The following DCC variants were observed in gnomAD, a reference collection of about 807,000 sequenced individuals.
DCC encodes DCC netrin 1 receptor, also known as netrin receptor DCC.
In DCC, 58 loss-of-function variants were observed where a neutral mutation model predicts 172.5. That is an observed-to-expected ratio of 0.34 (90% CI 0.27 to 0.42). The LOEUF (loss-of-function observed/expected upper bound fraction) is 0.42, where lower values mean the gene tolerates loss of function less well. DCC is among the 10% of genes least tolerant of loss of function. The probability of loss-of-function intolerance (pLI) is 1.00; values close to 1 mark genes in which losing one functional copy is unlikely to be tolerated. For synonymous variants in DCC, 709 were observed against 644.5 expected (o/e 1.10, Z -1.52); for missense variants, 1,740 against 1,791.0 (o/e 0.97, Z 0.51).
At chr18:53,013,230 A>G (rs758374682) in intron 5 of DCC, among the ~76,000 whole-genome samples, 118 of 152,070 alleles carry the variant, frequency 7.8e-4, no homozygotes, top group Non-Finnish European at 1.3e-3. Flanking sequence ...TTATAAATCT[A>G]TAAAGACACA....
chr18:52,961,595 C>T (rs1250177030), intron 5 of DCC, among the ~76,000 whole-genome samples: 1 of 152,164 alleles, frequency 6.6e-6, no homozygotes, highest in Non-Finnish European at 1.5e-5. Flanking sequence ...CCAAACACCA[C>T]AAAGTTGGCT....
chr18:53,408,390 ATTG>A (rs1440870754), intron 19 of DCC, among the ~76,000 whole-genome samples: 1 of 152,158 alleles, frequency 6.6e-6, no homozygotes, highest in Non-Finnish European at 1.5e-5. Context: ...AGCTTATGTA[ATTG>A]TTGTCATGGC....
chr18:53,339,329 T>C (rs528082541), intron 14 of DCC, among the ~76,000 whole-genome samples: 8 of 152,322 alleles, frequency 5.3e-5, no homozygotes, highest in Admixed American at 1.3e-4. Flanking sequence ...TAAATAATTA[T>C]TGGATAAGAC....
intron 7 of DCC, among the ~76,000 whole-genome samples, chr18:53,089,486 C>T (rs566890918): frequency 6.6e-6 from 1 of 152,084 alleles, no homozygotes; most frequent in East Asian, 1.9e-4. Context: ...TTTTGCAGGC[C>T]TCTTTCTTCA....
chr18:52,701,005 G>C (rs1170002648), intron 1 of DCC, among the ~76,000 whole-genome samples: 1 of 152,140 alleles, frequency 6.6e-6, no homozygotes, highest in Non-Finnish European at 1.5e-5. Context: ...AATTCCATTG[G>C]CCATGGTGGA....
intron 2 of DCC, among the ~76,000 whole-genome samples, chr18:52,784,573 AGTT>A (rs917520555): frequency 1.3e-5 from 2 of 151,862 alleles, no homozygotes; most frequent in African/African-American, 4.8e-5. Flanking sequence ...GTTTGCCAGC[AGTT>A]GTTATTTTTT....
Position 52,387,851 on chromosome 18 carries a change from G to T in DCC, c.91+46973G>T, listed in dbSNP as rs1985874700. 3.3e-5 allele frequency among the ~76,000 whole-genome samples: 5 copies of T among 152,048 alleles called. No homozygotes were observed. The South Asian group carries it at 8.3e-4, about 25-fold the overall frequency. ...TTCTCTTTACATTTTGCTTTGGATA[G>T]GAAAATAATACACATTTATAAAAGT... On this transcript the variant is annotated intron_variant, in intron 1 of 28. Coordinates refer to ENST00000442544, the MANE Select transcript of DCC (RefSeq NM_005215.4).
intron 7 of DCC, among the ~76,000 whole-genome samples, chr18:53,103,662 G>T (rs2043204972): frequency 6.6e-6 from 1 of 152,196 alleles, no homozygotes; most frequent in Middle Eastern, 3.4e-3. Flanking sequence ...CACTTCTGTT[G>T]TACTTTCATG....
intron 1 of DCC, among the ~76,000 whole-genome samples, chr18:52,357,301 G>A (rs111259933): frequency 1.3e-5 from 2 of 152,060 alleles, no homozygotes; most frequent in African/African-American, 4.8e-5. Context: ...TAAGGCTGGA[G>A]CATCTTGGAG....
chr18:52,854,685 G>C (rs2039024807), intron 2 of DCC, among the ~76,000 whole-genome samples: 1 of 152,194 alleles, frequency 6.6e-6, no homozygotes, highest in South Asian at 2.1e-4. Flanking sequence ...TGAGAAAATA[G>C]AATCGCCTTG....
At chr18:53,080,910 C>A (rs1385835772) in intron 7 of DCC, among the ~76,000 whole-genome samples, 1 of 151,982 alleles carries the variant, frequency 6.6e-6, no homozygotes, top group Admixed American at 6.6e-5. Context: ...GTGAGTCATT[C>A]TCCTACTGAT....
chr18:53,414,012 C>A (rs1157940562), intron 20 of DCC, among the ~76,000 whole-genome samples: 1 of 152,120 alleles, frequency 6.6e-6, no homozygotes, highest in Non-Finnish European at 1.5e-5. Flanking sequence ...GCATCTTTAT[C>A]AATACTATAA....
intron 25 of DCC, among the ~76,000 whole-genome samples, chr18:53,471,913 C>T (rs1458230117): frequency 1.3e-5 from 2 of 151,882 alleles, no homozygotes; most frequent in South Asian, 2.1e-4. Context: ...TATTTATTTG[C>T]TTCCTGTATT....
rs76742158 is a variant in DCC, at chr18:52,520,198, T to C, written c.91+179320T>C. 1.2e-4 allele frequency among the ~76,000 whole-genome samples: 18 copies of C among 152,264 alleles called. No individual in the cohort carries two copies. In the East Asian group the frequency reaches 3.1e-3, roughly 26 times the overall value. On this transcript the variant is annotated intron_variant, in intron 1 of 28. Transcript: ENST00000442544. ...CAGTGCTGCCCTCCACAGTGACAAC[T>C]CCGTCGTCCTCCTCCAAGCACCTAG...
chr18:52,781,474 C>A (rs2145186058), intron 2 of DCC, among the ~76,000 whole-genome samples: 1 of 152,244 alleles, frequency 6.6e-6, no homozygotes, highest in South Asian at 2.1e-4. Flanking sequence ...TTGAATACTT[C>A]TATGCAAGTG....
chr18:52,494,264 ATGTGTGTG>A (rs10633986), intron 1 of DCC, among the ~76,000 whole-genome samples: 5,369 of 147,506 alleles, frequency 0.036, 126 homozygotes, highest in Middle Eastern at 0.066. Flanking sequence ...ATGGTTTGTG[ATGTGTGTG>A]TGTGTGTGTG....
intron 25 of DCC, among the ~76,000 whole-genome samples, chr18:53,484,398 G>T (rs2045877204): frequency 6.6e-6 from 1 of 150,652 alleles, no homozygotes; most frequent in Non-Finnish European, 1.5e-5. Flanking sequence ...TTTTCTTTTG[G>T]TGATTATTTC....
chr18:52,471,278 A>T (rs1988937670), intron 1 of DCC, among the ~76,000 whole-genome samples: 1 of 152,182 alleles, frequency 6.6e-6, no homozygotes, highest in African/African-American at 2.4e-5. Flanking sequence ...TGAGCCCAGG[A>T]AGCCGAGGCT....
intron 2 of DCC, among the ~76,000 whole-genome samples, chr18:52,859,941 GATAA>G (rs150334607): frequency 4.3e-4 from 65 of 152,124 alleles, no homozygotes; most frequent in African/African-American, 1.0e-3. Context: ...TAAGCAAAAA[GATAA>G]ATAAATAAAT....
Sources: allele counts gnomAD v4.1 joint callset (sites outside exome capture counted in the v4.1 genomes callset), GRCh38; gene constraint gnomAD v4.1.1; transcripts MANE v1.5; gene names NCBI Gene and HGNC (gene_info 2026-07-23, HGNC 2026-07-21).